The following ARHGAP24 variants were observed in gnomAD, a reference collection of about 807,000 sequenced individuals.
The protein encoded by ARHGAP24 is rho GTPase-activating protein 24.
ARHGAP24 carries 50 observed loss-of-function variants against 76.4 expected under a neutral mutation model. The ratio of observed to expected loss-of-function variants is 0.65; its 90% confidence interval spans 0.52 to 0.83. The LOEUF (loss-of-function observed/expected upper bound fraction) is 0.83, where lower values mean the gene tolerates loss of function less well. ARHGAP24 is among the 40% of genes least tolerant of loss of function. The pLI is 0.00. For missense variants in ARHGAP24, 930 were observed against 914.2 expected, an observed-to-expected ratio of 1.02 and a Z score of -0.22; for synonymous variants, 345 against 323.3, an observed-to-expected ratio of 1.07 and a Z score of -0.72.
chr4:85,487,017 G>A (rs929761483), intron 1 of ARHGAP24, among the ~76,000 whole-genome samples: 2 of 151,296 alleles, frequency 1.3e-5, no homozygotes, highest in Admixed American at 1.3e-4. Context: ...AAGAACCTTT[G>A]TAATGTTTTC....
At chr4:85,666,717 A>G (rs1722634239) in intron 2 of ARHGAP24, among the ~76,000 whole-genome samples, 1 of 152,238 alleles carries the variant, frequency 6.6e-6, no homozygotes. Flanking sequence ...TTTAACAGAC[A>G]GGACCCTCAG....
Position 85,655,818 on chromosome 4 carries a change from A to AAAGAGAGAG in ARHGAP24, c.181-66066_181-66065insAGAGAGAGA. 2.5e-3 allele frequency among the ~76,000 whole-genome samples: 90 copies of AAAGAGAGAG among 35,314 alleles called. 2 individuals carry two copies. Among genetic ancestry groups the AAAGAGAGAG allele is most frequent in the African/African-American group, 0.013 (82 of 6,516 alleles). The allele number at this position is 35,314 out of a possible 152,430, so 23.2% of individuals were successfully genotyped here. A position where few individuals can be genotyped will look rare whatever the true frequency, so the allele number is the denominator to read the frequency against. ...AGAGAGAGAGAGAGAGAGAGAGAGA[A>AAAGAGAGAG]AGAGAGAGAGAGAGAGAGAGAGAGA... On this transcript the variant is annotated intron_variant, in intron 2 of 9. Coordinates refer to ENST00000395184, the MANE Select transcript of ARHGAP24 (RefSeq NM_001025616.3).
At chr4:85,587,459 G>A (rs988835064) in intron 2 of ARHGAP24, among the ~76,000 whole-genome samples, 6 of 152,144 alleles carry the variant, frequency 3.9e-5, no homozygotes, top group African/African-American at 1.2e-4. Flanking sequence ...TCACATGAAT[G>A]TTGATTTTAA....
chr4:85,896,625 C>G (rs771921936), intron 3 of ARHGAP24, among the ~76,000 whole-genome samples: 8 of 152,166 alleles, frequency 5.3e-5, no homozygotes, highest in Non-Finnish European at 7.3e-5. Context: ...AGGGCTAAAT[C>G]TATATCCAAG....
chr4:85,505,609 G>C (rs1482259330), intron 1 of ARHGAP24, among the ~76,000 whole-genome samples: 2 of 152,022 alleles, frequency 1.3e-5, no homozygotes, highest in Non-Finnish European at 2.9e-5. Flanking sequence ...GTTTGTTCCA[G>C]TTAGCCATTT....
chr4:85,755,706 C>T (rs2110069615), intron 3 of ARHGAP24, among the ~76,000 whole-genome samples: 1 of 145,318 alleles, frequency 6.9e-6, no homozygotes, highest in Non-Finnish European at 1.5e-5. Flanking sequence ...GATCTCGGCT[C>T]ACTACAACCT....
chr4:85,770,817 C>T (rs765375685), intron 3 of ARHGAP24, among the ~76,000 whole-genome samples: 5 of 152,180 alleles, frequency 3.3e-5, no homozygotes, highest in Non-Finnish European at 7.3e-5. Flanking sequence ...CACACTGTGC[C>T]CATCCTCACC....
chr4:85,655,792 T>TATATATATATAGAG (rs1553920518), intron 2 of ARHGAP24, among the ~76,000 whole-genome samples: 1 of 37,702 alleles, frequency 2.7e-5, no homozygotes. Flanking sequence ...TATATATATA[T>TATATATATATAGAG]AGAGAGAGAG....
intron 2 of ARHGAP24, among the ~76,000 whole-genome samples, chr4:85,717,188 CAG>C (rs1724766481): frequency 6.6e-6 from 1 of 152,024 alleles, no homozygotes; most frequent in Non-Finnish European, 1.5e-5. Context: ...CCATTTCTAA[CAG>C]GGGAAATACT....
intron 3 of ARHGAP24, among the ~76,000 whole-genome samples, chr4:85,844,889 G>A (rs1730792561): frequency 6.6e-6 from 1 of 152,176 alleles, no homozygotes; most frequent in African/African-American, 2.4e-5. Flanking sequence ...GGTGTATAGG[G>A]GATGACAAAT....
At chr4:85,544,965 C>T (rs1412382873) in intron 1 of ARHGAP24, among the ~76,000 whole-genome samples, 6 of 151,882 alleles carry the variant, frequency 4.0e-5, no homozygotes, top group South Asian at 4.1e-4. Flanking sequence ...GGCCTGACTG[C>T]GCTACACAGG....
chr4:85,846,193 C>T (rs1055522613), intron 3 of ARHGAP24, among the ~76,000 whole-genome samples: 1 of 152,196 alleles, frequency 6.6e-6, no homozygotes, highest in Non-Finnish European at 1.5e-5. Flanking sequence ...GAGTGATCCA[C>T]AGTGCCTAGC....
At chr4:85,532,140 T>G (rs1560522192) in intron 1 of ARHGAP24, among the ~76,000 whole-genome samples, 1 of 152,138 alleles carries the variant, frequency 6.6e-6, no homozygotes, top group Non-Finnish European at 1.5e-5. Context: ...GAACCAGTTT[T>G]AAAGTCATAA....
At chr4:85,609,005 G>A (rs894896004) in intron 2 of ARHGAP24, among the ~76,000 whole-genome samples, 1 of 152,074 alleles carries the variant, frequency 6.6e-6, no homozygotes, top group Non-Finnish European at 1.5e-5. Context: ...TAGCCTTTTT[G>A]TGACTCTGAT....
chr4:85,919,507 T>C (rs1735602017), intron 3 of ARHGAP24, among the ~76,000 whole-genome samples: 1 of 152,120 alleles, frequency 6.6e-6, no homozygotes, highest in Non-Finnish European at 1.5e-5. Flanking sequence ...AAACTTTTTC[T>C]CAATCATGCC....
In ARHGAP24 at chr4:86,000,732, C is replaced by G; in HGVS notation, c.*10C>G. The G allele has an allele frequency of 6.2e-7, 1 of 1,613,572 alleles. No homozygotes were observed. The highest frequency in any genetic ancestry group is 8.5e-7 in the Non-Finnish European group (1 of 1,179,694). The stretch of plus-strand genomic sequence containing the variant: ...AATATGGATTCAGTGAGCCTGCTTT[C>G]GCCTGCTGTCTCTGATGGCTCTGGC... On this transcript the variant is annotated 3_prime_UTR_variant, in exon 10 of 10. Coordinates refer to ENST00000395184, the MANE Select transcript of ARHGAP24 (RefSeq NM_001025616.3).
At chr4:85,941,998 AAACAAC>A (rs1305018051) in intron 4 of ARHGAP24, 62 bp from the exon 5 acceptor site, 4 of 1,500,776 alleles carry the variant, frequency 2.7e-6, no homozygotes, top group Non-Finnish European at 3.7e-6. Flanking sequence ...TATTGAATTA[AAACAAC>A]AACAACAACA....
At chr4:85,830,562 A>G (rs186492546) in intron 3 of ARHGAP24, among the ~76,000 whole-genome samples, 1 of 152,344 alleles carries the variant, frequency 6.6e-6, no homozygotes, top group Non-Finnish European at 1.5e-5. Context: ...TTACAGCACT[A>G]TCCGTCATTT....
intron 3 of ARHGAP24, among the ~76,000 whole-genome samples, chr4:85,852,282 T>C (rs938124694): frequency 6.6e-6 from 1 of 152,256 alleles, no homozygotes; most frequent in East Asian, 1.9e-4. Flanking sequence ...TCTCGTGTCA[T>C]GGTTTTCAGC....
Sources: gnomAD v4.1 joint callset for allele counts (sites outside exome capture counted in the v4.1 genomes callset) on GRCh38, gnomAD v4.1.1 for gene constraint, MANE v1.5 for transcripts, NCBI Gene and HGNC (gene_info 2026-07-23, HGNC 2026-07-21) for gene names.